Variants in CLSTN2 observed in about 807,000 individuals in gnomAD.
The protein encoded by CLSTN2 is calsyntenin 2, also known as calsyntenin-2.
CLSTN2 carries 48 observed loss-of-function variants against 101.2 expected under a neutral mutation model. That is an observed-to-expected ratio of 0.47 (90% CI 0.38 to 0.60). CLSTN2 has a LOEUF of 0.60. Among genes scored for constraint, CLSTN2 ranks in the 20% least tolerant of loss-of-function variants. CLSTN2 has a pLI of 0.00. For missense variants in CLSTN2, 1,160 were observed against 1,238.2 expected (o/e 0.94, Z 0.95); for synonymous variants, 481 against 463.6 (o/e 1.04, Z -0.48).
At chr3:140,011,565 C>T (rs999860752) in intron 1 of CLSTN2, among the ~76,000 whole-genome samples, 2 of 152,208 alleles carry the variant, frequency 1.3e-5, no homozygotes, top group African/African-American at 4.8e-5. Flanking sequence ...AGAGAATACA[C>T]AGATGCTACC....
chr3:140,084,435 G>A (rs1020797834), intron 1 of CLSTN2, among the ~76,000 whole-genome samples: 20 of 152,194 alleles, frequency 1.3e-4, no homozygotes, highest in African/African-American at 4.8e-4. Flanking sequence ...TAATATCTGT[G>A]TGGTTTCACT....
intron 8 of CLSTN2, among the ~76,000 whole-genome samples, chr3:140,516,535 G>A (rs1038519256): frequency 2.0e-5 from 3 of 148,976 alleles, no homozygotes; most frequent in Non-Finnish European, 3.0e-5. Flanking sequence ...ATTGGTAGTA[G>A]TGAATTCTTT....
At chr3:140,398,576 C>T (rs981987217) in intron 2 of CLSTN2, among the ~76,000 whole-genome samples, 6 of 152,158 alleles carry the variant, frequency 3.9e-5, no homozygotes, top group African/African-American at 1.4e-4. Flanking sequence ...ACACTCAGAA[C>T]CACTGTCCTA....
chr3:140,206,874 G>A (rs933999557), intron 2 of CLSTN2, among the ~76,000 whole-genome samples: 3 of 152,146 alleles, frequency 2.0e-5, no homozygotes, highest in African/African-American at 4.8e-5. Context: ...CATCTGGTGG[G>A]CAGATGCAGA....
At chr3:139,974,227 G>A (rs967356770) in intron 1 of CLSTN2, among the ~76,000 whole-genome samples, 7 of 152,190 alleles carry the variant, frequency 4.6e-5, no homozygotes, top group Admixed American at 2.6e-4. Flanking sequence ...GGGTGAAGAC[G>A]CAGGCTTTGG....
chr3:140,508,026 A>G (rs994129459), intron 8 of CLSTN2: 3 of 152,190 alleles, frequency 2.0e-5, no homozygotes, highest in African/African-American at 7.2e-5. Context: ...GGAAATCCAA[A>G]TAGGTGCTGC....
chr3:140,244,422 T>C (rs1356598152), intron 2 of CLSTN2, among the ~76,000 whole-genome samples: 6 of 152,174 alleles, frequency 3.9e-5, no homozygotes, highest in Non-Finnish European at 8.8e-5. Context: ...CTTTCTCTCC[T>C]CCACTCTACA....
At chr3:140,056,603 T>C (rs1317738051) in intron 1 of CLSTN2, among the ~76,000 whole-genome samples, 1 of 152,048 alleles carries the variant, frequency 6.6e-6, no homozygotes, top group Admixed American at 6.6e-5. Flanking sequence ...AGCTCCCAGA[T>C]AGGAACTGAG....
At chr3:140,173,815 G>T (rs2010277476) in intron 1 of CLSTN2, among the ~76,000 whole-genome samples, 1 of 152,160 alleles carries the variant, frequency 6.6e-6, no homozygotes, top group Admixed American at 6.5e-5. Context: ...GGAGCAGCTG[G>T]GATGCAGGGC....
intron 8 of CLSTN2, among the ~76,000 whole-genome samples, chr3:140,515,295 T>C (rs972744469): frequency 6.6e-6 from 1 of 151,334 alleles, no homozygotes; most frequent in Non-Finnish European, 1.5e-5. Context: ...AGTTTTATTT[T>C]TTCCCCAAAG....
chr3:140,064,189 A>G (rs1560084003), intron 1 of CLSTN2, among the ~76,000 whole-genome samples: 1 of 152,172 alleles, frequency 6.6e-6, no homozygotes, highest in South Asian at 2.1e-4. Context: ...TAAAACATCC[A>G]AATCACTTCC....
At chr3:140,034,371 T>G (rs1027542913) in intron 1 of CLSTN2, among the ~76,000 whole-genome samples, 1 of 152,192 alleles carries the variant, frequency 6.6e-6, no homozygotes, top group African/African-American at 2.4e-5. Flanking sequence ...AGAACTGGGA[T>G]GTCATCATTT....
At chr3:139,995,921 T>C (rs1314651653) in intron 1 of CLSTN2, among the ~76,000 whole-genome samples, 1 of 152,230 alleles carries the variant, frequency 6.6e-6, no homozygotes, top group Non-Finnish European at 1.5e-5. Flanking sequence ...CATAATTATT[T>C]TCATTATGTA....
intron 1 of CLSTN2, among the ~76,000 whole-genome samples, chr3:140,134,339 TC>T (rs747223320): frequency 1.5e-4 from 23 of 152,006 alleles, no homozygotes; most frequent in Non-Finnish European, 2.8e-4. Flanking sequence ...GCTGCCAGAG[TC>T]TGTCTATCCC....
chr3:140,402,356 C>A (rs968700696), intron 2 of CLSTN2, among the ~76,000 whole-genome samples: 1 of 152,170 alleles, frequency 6.6e-6, no homozygotes, highest in Non-Finnish European at 1.5e-5. Flanking sequence ...TAATACTTAG[C>A]TTTAGCTCTG....
chr3:140,372,237 C>T (rs112104857), intron 2 of CLSTN2, among the ~76,000 whole-genome samples: 2 of 152,164 alleles, frequency 1.3e-5, no homozygotes, highest in Non-Finnish European at 1.5e-5. Context: ...TTGAGATGGC[C>T]TCCTGATCCC....
intron 2 of CLSTN2, among the ~76,000 whole-genome samples, chr3:140,392,317 T>C (rs2088124067): frequency 6.6e-6 from 1 of 151,990 alleles, no homozygotes; most frequent in Non-Finnish European, 1.5e-5. Flanking sequence ...TAAAAAATTG[T>C]TAATGAGAAA....
chr3:140,551,929 CT>C lies in CLSTN2; in HGVS notation c.1675-4583del, dbSNP rs540871605. Among the ~76,000 whole-genome samples the C allele has an allele frequency of 1.1e-4, 16 of 151,806 alleles. No homozygotes were observed. In the South Asian group the frequency reaches 3.3e-3, roughly 32 times the overall value. On this transcript the variant is annotated intron_variant, in intron 10 of 16. Transcript: ENST00000458420. ...GCTCCCTTTTGTGACAGAAGAACTTCTAAAGTGGCAAATCTTCATCTGGCCC... is the reference window on the plus strand; with the variant it reads ...GCTCCCTTTTGTGACAGAAGAACTTCAAAGTGGCAAATCTTCATCTGGCCC...
chr3:140,302,181 TGTG>T (rs1354015718), intron 2 of CLSTN2, among the ~76,000 whole-genome samples: 2 of 152,234 alleles, frequency 1.3e-5, no homozygotes, highest in Non-Finnish European at 2.9e-5. Context: ...TTTTGTTTCT[TGTG>T]GTGGTTGTTT....
Sources: allele counts gnomAD v4.1 joint callset (sites outside exome capture counted in the v4.1 genomes callset), GRCh38; gene constraint gnomAD v4.1.1; transcripts MANE v1.5; gene names NCBI Gene and HGNC (gene_info 2026-07-23, HGNC 2026-07-21).